The following MAGI2 variants were observed in gnomAD, a reference collection of about 807,000 sequenced individuals.
The protein encoded by MAGI2 is membrane-associated guanylate kinase, WW and PDZ domain-containing protein 2.
In MAGI2, 35 loss-of-function variants were observed where a neutral mutation model predicts 133.3. The observed-to-expected ratio is 0.26, with a 90% CI of 0.20 to 0.35. The LOEUF (loss-of-function observed/expected upper bound fraction) is 0.35. Among genes scored for constraint, MAGI2 ranks in the 10% least tolerant of loss-of-function variants. The pLI, the probability that MAGI2 is intolerant of heterozygous loss-of-function variation, is 1.00. For synonymous variants in MAGI2, 729 were observed against 710.6 expected (o/e 1.03, Z -0.41); for missense variants, 1,636 against 1,863.4 (o/e 0.88, Z 2.25).
rs190177342 is a variant in MAGI2, at chr7:79,159,136, C to T, written c.302-151930G>A. On this transcript the variant is annotated intron_variant, in intron 1 of 21. Transcript: ENST00000354212. ...ATTTTATATAAGAAAGGATCTCATG[C>T]GGTAAATTTCTGTCCTAAAATAAAA... Among the ~76,000 whole-genome samples the T allele has an allele frequency of 8.5e-4, 129 of 151,902 alleles. 2 individuals carry two copies. The highest frequency in any genetic ancestry group is 2.4e-3 in the African/African-American group (100 of 41,428).
chr7:78,488,782 A>AC (rs1793315502), intron 6 of MAGI2, among the ~76,000 whole-genome samples: 1 of 152,054 alleles, frequency 6.6e-6, no homozygotes, highest in Non-Finnish European at 1.5e-5. Flanking sequence ...GTGAACAGTT[A>AC]CCTTATAACA....
chr7:78,418,875 A>G (rs1308661863), intron 6 of MAGI2, among the ~76,000 whole-genome samples: 1 of 152,176 alleles, frequency 6.6e-6, no homozygotes, highest in Non-Finnish European at 1.5e-5. Context: ...TGAATATAGG[A>G]ATAGTAATAG....
chr7:79,208,894 C>T (rs1233168237), intron 1 of MAGI2, among the ~76,000 whole-genome samples: 1 of 151,876 alleles, frequency 6.6e-6, no homozygotes, highest in Admixed American at 6.6e-5. Flanking sequence ...ATAGATTAAC[C>T]TGGAGGACAA....
intron 5 of MAGI2, among the ~76,000 whole-genome samples, chr7:78,501,062 T>G (rs1001378838): frequency 6.6e-6 from 1 of 152,192 alleles, no homozygotes; most frequent in Non-Finnish European, 1.5e-5. Context: ...CATTCTAGCC[T>G]GGGCGACAGA....
intron 6 of MAGI2, among the ~76,000 whole-genome samples, chr7:78,404,479 C>G (rs1029535422): frequency 6.6e-6 from 1 of 152,080 alleles, no homozygotes; most frequent in African/African-American, 2.4e-5. Context: ...ACATATAGAC[C>G]AATGGAACAG....
chr7:79,067,864 A>G (rs1191909918), intron 1 of MAGI2, among the ~76,000 whole-genome samples: 1 of 152,128 alleles, frequency 6.6e-6, no homozygotes, highest in Non-Finnish European at 1.5e-5. Context: ...TGAGATAATC[A>G]TGTGGTTTTT....
intron 1 of MAGI2, among the ~76,000 whole-genome samples, chr7:79,224,155 T>G (rs942540588): frequency 3.9e-5 from 6 of 152,032 alleles, no homozygotes; most frequent in Admixed American, 6.5e-5. Context: ...AATAGAATCC[T>G]AAACTGTTCT....
At chr7:78,705,858 CTGTT>C (rs1196966073) in intron 2 of MAGI2, among the ~76,000 whole-genome samples, 1 of 152,024 alleles carries the variant, frequency 6.6e-6, no homozygotes, top group Non-Finnish European at 1.5e-5. Context: ...ATGCCTTAAA[CTGTT>C]TGTTCCTAGT....
chr7:78,804,305 C>T (rs1372586465), intron 2 of MAGI2, among the ~76,000 whole-genome samples: 2 of 151,984 alleles, frequency 1.3e-5, no homozygotes, highest in Non-Finnish European at 2.9e-5. Context: ...AACACATTAA[C>T]GGTGTCAAGA....
chr7:78,407,371 T>G (rs1283602423), intron 6 of MAGI2, among the ~76,000 whole-genome samples: 2 of 152,008 alleles, frequency 1.3e-5, no homozygotes, highest in East Asian at 3.9e-4. Flanking sequence ...CCCTAGACTT[T>G]GAAAAATATC....
chr7:78,568,834 A>G (rs537907924), intron 3 of MAGI2, among the ~76,000 whole-genome samples: 1 of 152,106 alleles, frequency 6.6e-6, no homozygotes, highest in African/African-American at 2.4e-5. Context: ...TGCATGCTCA[A>G]AACTCTCCAA....
intron 21 of MAGI2, among the ~76,000 whole-genome samples, chr7:78,038,368 T>G (rs1360020089): frequency 6.6e-6 from 1 of 151,762 alleles, no homozygotes; most frequent in African/African-American, 2.4e-5. Flanking sequence ...TCTGCACCTG[T>G]AATGTATTCA....
intron 2 of MAGI2, among the ~76,000 whole-genome samples, chr7:78,948,605 T>C (rs1801621740): frequency 6.6e-6 from 1 of 152,124 alleles, no homozygotes; most frequent in South Asian, 2.1e-4. Context: ...GAGACTCATT[T>C]TATAGAACGA....
chr7:79,379,502 G>A (rs1843635828), intron 1 of MAGI2, among the ~76,000 whole-genome samples: 1 of 151,906 alleles, frequency 6.6e-6, no homozygotes, highest in South Asian at 2.1e-4. Context: ...GGGTCAAATG[G>A]TATTTCTAGT....
chr7:78,357,468 AAGAC>A (rs922159776), intron 7 of MAGI2, among the ~76,000 whole-genome samples: 5 of 152,192 alleles, frequency 3.3e-5, no homozygotes, highest in African/African-American at 9.7e-5. Context: ...GCAAAAAAGA[AAGAC>A]AATCATTCCT....
At chr7:78,981,893 C>T (rs112904742) in intron 2 of MAGI2, among the ~76,000 whole-genome samples, 111 of 151,964 alleles carry the variant, frequency 7.3e-4, no homozygotes, top group South Asian at 6.0e-3. Flanking sequence ...TGCCTAGAGC[C>T]TCAGACCAAG....
chr7:78,774,634 G>A (rs866292707), intron 2 of MAGI2, among the ~76,000 whole-genome samples: 1 of 152,186 alleles, frequency 6.6e-6, no homozygotes, highest in African/African-American at 2.4e-5. Context: ...GATCTCATCA[G>A]TTATAGCCAG....
intron 1 of MAGI2, among the ~76,000 whole-genome samples, chr7:79,027,966 A>G (rs549845710): frequency 6.6e-4 from 100 of 151,716 alleles, no homozygotes; most frequent in African/African-American, 2.4e-3. Flanking sequence ...TAAAAAACAT[A>G]TCTTTGGGAG....
intron 6 of MAGI2, among the ~76,000 whole-genome samples, chr7:78,442,418 A>G (rs1787721017): frequency 6.6e-6 from 1 of 152,344 alleles, no homozygotes; most frequent in South Asian, 2.1e-4. Context: ...ATTTTGGGTA[A>G]ACCTACAAGG....
Sources: allele counts gnomAD v4.1 joint callset (sites outside exome capture counted in the v4.1 genomes callset), GRCh38; gene constraint gnomAD v4.1.1; transcripts MANE v1.5; gene names NCBI Gene and HGNC (gene_info 2026-07-23, HGNC 2026-07-21).